The following B4GALT5 variants were observed in gnomAD, a reference collection of about 807,000 sequenced individuals.
B4GALT5 encodes beta-1,4-galactosyltransferase 5, also known as UDP-Gal:beta-GlcNAc beta-1,4-galactosyltransferase 5.
In B4GALT5, 11 loss-of-function variants were observed where a neutral mutation model predicts 45.0. The ratio of observed to expected loss-of-function variants is 0.24; its 90% CI spans 0.15 to 0.40. The LOEUF is 0.40. Among genes scored for constraint, B4GALT5 ranks in the 10% least tolerant of loss-of-function variants. B4GALT5 has a pLI of 1.00. For missense variants in B4GALT5, 337 were observed against 500.2 expected, an observed-to-expected ratio of 0.67 and a Z score of 3.11; for synonymous variants, 185 against 182.9, an observed-to-expected ratio of 1.01 and a Z score of -0.09.
intron 1 of B4GALT5, among the ~76,000 whole-genome samples, chr20:49,664,421 TACACAC>T (rs55990435): frequency 0.037 from 4,794 of 128,830 alleles, 122 homozygotes; most frequent in Admixed American, 0.075. Context: ...GGTCTCCAAA[TACACAC>T]ACACACACAC....
chr20:49,694,901 C>T (rs1408719574), intron 1 of B4GALT5, among the ~76,000 whole-genome samples: 1 of 152,034 alleles, frequency 6.6e-6, no homozygotes, highest in Non-Finnish European at 1.5e-5. Context: ...CAAGTGGGTG[C>T]CACACACATC....
chr20:49,671,043 G>A (rs909880460), intron 1 of B4GALT5, among the ~76,000 whole-genome samples: 15 of 152,162 alleles, frequency 9.9e-5, no homozygotes, highest in African/African-American at 3.6e-4. Context: ...AGCTATCACT[G>A]AAATAATGAT....
chr20:49,642,687 G>A (rs765881585), intron 4 of B4GALT5, 103 bp from the exon 5 acceptor site: 81 of 753,618 alleles, frequency 1.1e-4, no homozygotes, highest in Non-Finnish European at 1.7e-4. Flanking sequence ...GGAGTTCTGG[G>A]AGGCTGGCTA....
Position 49,695,098 on chromosome 20 carries a change from T to C in B4GALT5, c.115+18478A>G, listed in dbSNP as rs536051154. Among the ~76,000 whole-genome samples, 462 of 118,854 alleles carry C rather than the reference T, an allele frequency of 3.9e-3. 1 individual carries two copies. The highest frequency in any genetic ancestry group is 0.015 in the African/African-American group (403 of 26,788). 78.0% of individuals were successfully genotyped at this position (118,854 alleles called of 152,430 possible). On this transcript the variant is annotated intron_variant, in intron 1 of 8. Transcript: ENST00000371711. ...CACCTGCACTGTTTTCATTAGGTTC[T>C]TTTTTTTTTTTTTTGGTGATGAGTA... is the stretch of plus-strand genomic sequence containing the variant.
chr20:49,689,659 G>A (rs796196382), intron 1 of B4GALT5, among the ~76,000 whole-genome samples: 13 of 152,078 alleles, frequency 8.5e-5, no homozygotes, highest in African/African-American at 3.1e-4. Flanking sequence ...TATACTTCCT[G>A]CTAAACACTT....
Position 49,636,155 on chromosome 20 carries a change from G to A in B4GALT5, c.*157C>T. Reference sequence around the variant, plus strand: ...CGGCTGATCCAGTGAAGGCGTTTGTGCGTGTGCTGTCACATTTTCCCCCTG... The same window carrying A: ...CGGCTGATCCAGTGAAGGCGTTTGTACGTGTGCTGTCACATTTTCCCCCTG... On this transcript the variant is annotated 3_prime_UTR_variant, in exon 9 of 9. Transcript: ENST00000371711. The A allele has an allele frequency of 1.0e-6, 1 of 955,996 alleles. No homozygotes were observed. Among genetic ancestry groups the A allele is most frequent in the Non-Finnish European group, 1.5e-6 (1 of 648,896 alleles). 59.2% of individuals were successfully genotyped at this position (955,996 alleles called of 1,614,324 possible). A position where few individuals can be genotyped will look rare whatever the true frequency, so the allele number is the denominator to read the frequency against.
At chr20:49,678,736 G>A (rs2085750373) in intron 1 of B4GALT5, among the ~76,000 whole-genome samples, 1 of 152,112 alleles carries the variant, frequency 6.6e-6, no homozygotes. Context: ...CTTCGATAAA[G>A]TAGGTATTAG....
At chr20:49,668,221 T>C (rs2085700369) in intron 1 of B4GALT5, among the ~76,000 whole-genome samples, 1 of 152,134 alleles carries the variant, frequency 6.6e-6, no homozygotes, top group African/African-American at 2.4e-5. Flanking sequence ...TTACTATTCC[T>C]AGCTATTAAA....
chr20:49,642,119 TC>T (rs1241214853), intron 5 of B4GALT5, among the ~76,000 whole-genome samples: 3 of 152,178 alleles, frequency 2.0e-5, no homozygotes, highest in Non-Finnish European at 4.4e-5. Context: ...CACTGAGGTC[TC>T]TTGACTCCAA....
intron 1 of B4GALT5, among the ~76,000 whole-genome samples, chr20:49,690,811 T>C (rs556910451): frequency 1.3e-3 from 191 of 152,312 alleles, no homozygotes; most frequent in African/African-American, 4.5e-3. Flanking sequence ...TATGAATTCA[T>C]GGAGACACAA....
At chr20:49,702,218 A>G (rs2085864990) in intron 1 of B4GALT5, among the ~76,000 whole-genome samples, 1 of 152,242 alleles carries the variant, frequency 6.6e-6, no homozygotes, top group African/African-American at 2.4e-5. Context: ...GAGAATAATA[A>G]AGAAAGAAAA....
chr20:49,644,903 T>C (rs1482122958), intron 3 of B4GALT5, among the ~76,000 whole-genome samples: 1 of 152,208 alleles, frequency 6.6e-6, no homozygotes, highest in Non-Finnish European at 1.5e-5. Flanking sequence ...AAGATTTTCC[T>C]TTTCTTGATC....
intron 1 of B4GALT5, among the ~76,000 whole-genome samples, chr20:49,660,924 C>CA (rs1352804479): frequency 1.3e-5 from 2 of 152,218 alleles, no homozygotes; most frequent in Non-Finnish European, 2.9e-5. Context: ...CGTGCCACTG[C>CA]ACTCCAGCCT....
chr20:49,710,773 A>G (rs2085906280), intron 1 of B4GALT5, among the ~76,000 whole-genome samples: 1 of 152,102 alleles, frequency 6.6e-6, no homozygotes. Flanking sequence ...AGGTCTTCAT[A>G]ACCCAAGGAA....
At chr20:49,703,394 C>A (rs1834919499) in intron 1 of B4GALT5, among the ~76,000 whole-genome samples, 1 of 152,034 alleles carries the variant, frequency 6.6e-6, no homozygotes, top group Admixed American at 6.5e-5. Flanking sequence ...AGTCCAACGA[C>A]CAAGAGGCTG....
Position 49,634,423 on chromosome 20 carries a change from T to C in B4GALT5, c.*1889A>G. On this transcript the variant is annotated 3_prime_UTR_variant, in exon 9 of 9. Coordinates refer to ENST00000371711, the MANE Select transcript of B4GALT5 (RefSeq NM_004776.4). ...CTTCAGAAAGTACTCCTCATCACAA[T>C]ATATAAATATGTTTTATGGAAAACA... 1 of 152,248 alleles carries C rather than the reference T, an allele frequency of 6.6e-6. No homozygotes were observed. The highest frequency in any genetic ancestry group is 1.5e-5 in the Non-Finnish European group (1 of 68,016). 9.4% of individuals were successfully genotyped at this position (152,248 alleles called of 1,614,324 possible).
chr20:49,707,986 T>C (rs182589805), intron 1 of B4GALT5, among the ~76,000 whole-genome samples: 18 of 150,956 alleles, frequency 1.2e-4, no homozygotes, highest in African/African-American at 3.9e-4. Context: ...TCCCAGCACT[T>C]TGGGAGGCTT....
chr20:49,686,688 C>A, intron 1 of B4GALT5, among the ~76,000 whole-genome samples: 1 of 122,808 alleles, frequency 8.1e-6, no homozygotes, highest in Non-Finnish European at 1.6e-5. Context: ...AGGGTTCTTG[C>A]TATGTTGCAT....
At chr20:49,668,906 G>C (rs1399315994) in intron 1 of B4GALT5, among the ~76,000 whole-genome samples, 1 of 152,032 alleles carries the variant, frequency 6.6e-6, no homozygotes, top group Non-Finnish European at 1.5e-5. Context: ...CTGTCACCCA[G>C]GCTGGATTGC....
Sources: allele counts gnomAD v4.1 joint callset (sites outside exome capture counted in the v4.1 genomes callset), GRCh38; gene constraint gnomAD v4.1.1; transcripts MANE v1.5; gene names NCBI Gene and HGNC (gene_info 2026-07-23, HGNC 2026-07-21).